SAE1: variants seen among roughly 807,000 people sequenced by gnomAD.
SAE1 encodes SUMO1 activating enzyme subunit 1.
A neutral mutation model predicts 40.6 loss-of-function variants in SAE1; 11 were observed. That is an observed-to-expected ratio of 0.27 (90% confidence interval 0.17 to 0.45). The LOEUF is 0.45. Ranked by LOEUF, SAE1 falls within the 20% of genes least tolerant of loss-of-function variation. The pLI, the probability that SAE1 is intolerant of heterozygous loss-of-function variation, is 1.00. For synonymous variants in SAE1, 155 were observed against 154.3 expected, an observed-to-expected ratio of 1.00 and a Z score of -0.03; for missense variants, 373 against 427.3, an observed-to-expected ratio of 0.87 and a Z score of 1.12.
At chr19:47,131,289 T>A (rs2058140506) in intron 1 of SAE1, among the ~76,000 whole-genome samples, 1 of 151,842 alleles carries the variant, frequency 6.6e-6, no homozygotes, top group Non-Finnish European at 1.5e-5. Flanking sequence ...AGCGGGAGAA[T>A]TCAAACTCAG....
At chr19:47,186,173 C>T (rs940911429) in intron 6 of SAE1, among the ~76,000 whole-genome samples, 1 of 151,486 alleles carries the variant, frequency 6.6e-6, no homozygotes, top group Non-Finnish European at 1.5e-5. Context: ...CCAGGAGGCA[C>T]AGCTTGCGGT....
chr19:47,172,584 A>G (rs1333414709), intron 6 of SAE1, among the ~76,000 whole-genome samples: 1 of 152,012 alleles, frequency 6.6e-6, no homozygotes, highest in East Asian at 1.9e-4. Context: ...TGCGCCTGTA[A>G]TCCCAGCTAC....
chr19:47,152,010 TG>T (rs2058291283), intron 3 of SAE1, among the ~76,000 whole-genome samples: 1 of 152,232 alleles, frequency 6.6e-6, no homozygotes, highest in Non-Finnish European at 1.5e-5. Context: ...GATTTTTCCT[TG>T]GGTGGCTGCA....
At chr19:47,170,065 A>G (rs2058421327) in intron 6 of SAE1, 142 bp downstream of exon 6, 3 of 654,808 alleles carry the variant, frequency 4.6e-6, no homozygotes, top group Admixed American at 4.7e-5. Flanking sequence ...CACTTGAGAA[A>G]GGGGTGGTCA....
chr19:47,151,367 T>A (rs764228225), intron 3 of SAE1, among the ~76,000 whole-genome samples: 8 of 152,162 alleles, frequency 5.3e-5, no homozygotes, highest in Non-Finnish European at 1.2e-4. Flanking sequence ...GTCAGGCTGG[T>A]CTTGAACCCC....
rs770551564 is a variant in SAE1, at chr19:47,169,877, A to C, written c.687A>C (p.Ala229=). The C allele has an allele frequency of 1.4e-5, 23 of 1,614,196 alleles. No homozygotes were observed. The highest frequency in any genetic ancestry group is 1.9e-5 in the Non-Finnish European group (23 of 1,180,010). ...ALEVDWSSEK[A]KAALKRTTSD... ...AGGTGGACTGGAGCAGTGAGAAAGCAAAGGCTGCTCTGAAGCGCACGACCT... is the reference window on the plus strand; with the variant it reads ...AGGTGGACTGGAGCAGTGAGAAAGCCAAGGCTGCTCTGAAGCGCACGACCT... Residue 229 remains alanine, a synonymous_variant, in exon 6 of 9, where the codon GCA becomes GCC. Coordinates refer to ENST00000270225, the MANE Select transcript of SAE1 (RefSeq NM_005500.3).
intron 1 of SAE1, among the ~76,000 whole-genome samples, chr19:47,141,702 A>T (rs896238466): frequency 1.2e-4 from 18 of 152,132 alleles, no homozygotes; most frequent in African/African-American, 4.3e-4. Flanking sequence ...CGAGGGTGGA[A>T]TGTTGTGATT....
At chr19:47,178,023 A>T (rs892729148) in intron 6 of SAE1, among the ~76,000 whole-genome samples, 6 of 152,092 alleles carry the variant, frequency 3.9e-5, no homozygotes, top group Non-Finnish European at 7.4e-5. Flanking sequence ...TGGGCAGATC[A>T]TGAGGTCAAG....
intron 1 of SAE1, among the ~76,000 whole-genome samples, chr19:47,142,213 G>A (rs891148561): frequency 1.3e-5 from 2 of 151,766 alleles, no homozygotes; most frequent in Non-Finnish European, 2.9e-5. Context: ...GTGAAACTCC[G>A]TCTGTACCAA....
Position 47,173,786 on chromosome 19 carries a change from C to CTTTT in SAE1, c.733+3876_733+3879dup, listed in dbSNP as rs749843235. Among the ~76,000 whole-genome samples, 751 of 141,030 alleles carry CTTTT rather than the reference C, an allele frequency of 5.3e-3. 7 individuals are homozygous for CTTTT. Among genetic ancestry groups the CTTTT allele is most frequent in the African/African-American group, 0.019 (715 of 38,492 alleles). The allele number at this position is 141,030 out of a possible 152,430, so 92.5% of individuals were successfully genotyped here. A position where few individuals can be genotyped will look rare whatever the true frequency, so the allele number is the denominator to read the frequency against. On this transcript the variant is annotated intron_variant, in intron 6 of 8. Transcript: ENST00000270225. ...TTGACTCCTTTCTTTTCTTTCTTTT[C>CTTTT]TTTTTTTTTTTTTTTTGAGACGGAG...
rs549365259 is a variant in SAE1 at position 47,155,096 on chromosome 19, C to G, written c.528-18C>G. ...TTCCTAGGGTAAAATTACATTCTCT[C>G]CCCTTGTCACCCTCTAGGGAGAAAA... On this transcript the variant is annotated intron_variant, in intron 4 of 8. Transcript: ENST00000270225. 6 of 1,452,402 alleles carry G rather than the reference C, an allele frequency of 4.1e-6. No individual in the cohort carries two copies. In the East Asian group the frequency reaches 9.1e-5, roughly 22 times the overall value. 90.0% of individuals were successfully genotyped at this position (1,452,402 alleles called of 1,614,324 possible). A position where few individuals can be genotyped will look rare whatever the true frequency, so the allele number is the denominator to read the frequency against.
chr19:47,143,483 T>G lies in SAE1; in HGVS notation c.99-11T>G, dbSNP rs1421604704. 8 of 1,604,938 alleles carry G rather than the reference T, an allele frequency of 5.0e-6. No homozygotes were observed. Among genetic ancestry groups the G allele is most frequent in the Non-Finnish European group, 6.8e-6 (8 of 1,171,748 alleles). On this transcript the variant is annotated splice_polypyrimidine_tract_variant and intron_variant, in intron 1 of 8. Coordinates refer to ENST00000270225, the MANE Select transcript of SAE1 (RefSeq NM_005500.3). ...TTCTGTATCATCAGGTTAACAATGTTTGTCTTACAGGCTGCGGGCCTCTCG... is the reference window on the plus strand; with the variant it reads ...TTCTGTATCATCAGGTTAACAATGTGTGTCTTACAGGCTGCGGGCCTCTCG...
chr19:47,182,462 G>T (rs1046360474), intron 6 of SAE1, among the ~76,000 whole-genome samples: 1 of 114,680 alleles, frequency 8.7e-6, no homozygotes, highest in Admixed American at 9.6e-5. Context: ...AGAAAAAAGC[G>T]TAGTGTGTGT....
chr19:47,204,488 G>C, intron 8 of SAE1, among the ~76,000 whole-genome samples: 1 of 138,414 alleles, frequency 7.2e-6, no homozygotes. Flanking sequence ...ATGAGCCACT[G>C]TACCCAGCCG....
intron 5 of SAE1, among the ~76,000 whole-genome samples, chr19:47,164,803 C>T (rs1425187952): frequency 6.6e-6 from 1 of 151,634 alleles, no homozygotes; most frequent in African/African-American, 2.4e-5. Context: ...CACCTGCCAC[C>T]ACGCCCAGCT....
intron 6 of SAE1, among the ~76,000 whole-genome samples, chr19:47,188,442 T>G (rs1297333225): frequency 6.6e-6 from 1 of 151,984 alleles, no homozygotes; most frequent in Non-Finnish European, 1.5e-5. Flanking sequence ...GACAGGGAGA[T>G]CTGAGGCAGT....
At chr19:47,134,660 G>T (rs1001517920) in intron 1 of SAE1, among the ~76,000 whole-genome samples, 1 of 152,144 alleles carries the variant, frequency 6.6e-6, no homozygotes, top group Admixed American at 6.6e-5. Context: ...TTAATCGAAG[G>T]GGTTTGCGGC....
chr19:47,155,296 A>C lies in SAE1; in HGVS notation c.627+83A>C. 4 of 961,198 alleles carry C rather than the reference A, an allele frequency of 4.2e-6. No homozygotes were observed. The South Asian group carries it at 5.5e-5, about 13-fold the overall frequency. The allele number at this position is 961,198 out of a possible 1,614,324, so 59.5% of individuals were successfully genotyped here. On this transcript the variant is annotated intron_variant, in intron 5 of 8. Transcript: ENST00000270225. ...ATGACGATTGAAAAGGATAAGAGCAAGCACTTCTTGAAGGGGTGGGGCGGG... is the reference window on the plus strand; with the variant it reads ...ATGACGATTGAAAAGGATAAGAGCACGCACTTCTTGAAGGGGTGGGGCGGG...
intron 3 of SAE1, among the ~76,000 whole-genome samples, chr19:47,151,497 A>C (rs2123209836): frequency 7.1e-6 from 1 of 140,130 alleles, no homozygotes; most frequent in South Asian, 2.3e-4. Context: ...TTTGAGATGG[A>C]GTCTCACTCT....
Sources: gnomAD v4.1 joint callset for allele counts (sites outside exome capture counted in the v4.1 genomes callset) on GRCh38, gnomAD v4.1.1 for gene constraint, MANE v1.5 for transcripts, NCBI Gene and HGNC (gene_info 2026-07-23, HGNC 2026-07-21) for gene names.